Variants in BARHL2 observed in about 807,000 individuals in gnomAD.
BARHL2 encodes barH-like 2 homeobox protein.
Under a neutral mutation model 27.1 loss-of-function variants are expected in BARHL2, and 10 were observed. The observed-to-expected ratio is 0.37, with a 90% CI of 0.23 to 0.63. The LOEUF is 0.63. Ranked by LOEUF, BARHL2 falls within the 20% of genes least tolerant of loss-of-function variation. The probability of loss-of-function intolerance (pLI) is 0.65; values close to 1 mark genes in which losing one functional copy is unlikely to be tolerated. For synonymous variants in BARHL2, 248 were observed against 224.7 expected (o/e 1.10, Z -0.93); for missense variants, 483 against 533.5 (o/e 0.91, Z 0.93).
chr1:90,714,817 C>T (rs991637140), intron 1 of BARHL2, 61 bp from the exon 2 acceptor site: 46 of 1,524,738 alleles, frequency 3.0e-5, no homozygotes, highest in South Asian at 2.2e-5. Flanking sequence ...ACTGAGTGTC[C>T]TCCTGGCATA....
chr1:90,717,221 G>A lies in BARHL2; in HGVS notation c.-26C>T, dbSNP rs1045064076. On this transcript the variant is annotated 5_prime_UTR_variant, in exon 1 of 3. Coordinates refer to ENST00000370445, the MANE Select transcript of BARHL2 (RefSeq NM_020063.2). Reference sequence around the variant, plus strand: ...TGCTACATGAGGTCCACGCCACTCCGCCGTTCAGCAGCCGCCCCGAACCAG... The same window carrying A: ...TGCTACATGAGGTCCACGCCACTCCACCGTTCAGCAGCCGCCCCGAACCAG... 1.7e-5 allele frequency: 27 copies of A among 1,595,636 alleles called. No individual in the cohort carries two copies. The highest frequency in any genetic ancestry group is 2.3e-5 in the East Asian group (1 of 43,668).
intron 2 of BARHL2, among the ~76,000 whole-genome samples, chr1:90,713,102 G>C (rs990878483): frequency 1.3e-5 from 2 of 152,140 alleles, no homozygotes; most frequent in African/African-American, 4.8e-5. Context: ...CGTAAACAAA[G>C]GGATGCAGAG....
At chr1:90,714,990 G>C (rs1658114388) in intron 1 of BARHL2, among the ~76,000 whole-genome samples, 1 of 152,056 alleles carries the variant, frequency 6.6e-6, no homozygotes, top group Non-Finnish European at 1.5e-5. Flanking sequence ...GGGTCTAAAA[G>C]GGTGTCTGAT....
chr1:90,712,796 G>A (rs1658063815), intron 2 of BARHL2, among the ~76,000 whole-genome samples, 172 bp from the exon 3 acceptor site: 1 of 152,110 alleles, frequency 6.6e-6, no homozygotes, highest in African/African-American at 2.4e-5. Flanking sequence ...CCCCAGCCTT[G>A]CTCCCAGAAA....
Position 90,716,647 on chromosome 1 carries a change from C to A in BARHL2, c.549G>T (p.Arg183Ser). Residue 183 changes from arginine to serine, a missense_variant, in exon 1 of 3, where the codon AGG becomes AGT. By Grantham distance (110) the Arg-to-Ser change is moderately radical. Transcript: ENST00000370445. The part of the protein sequence containing the change: ...QESNAVHESF[R>S]PKLEQEDSKT... ...TGCTGTCCTCCTGCTCGAGCTTTGG[C>A]CTGAAGCTCTCGTGCACTGCGTTGC... is the stretch of plus-strand genomic sequence containing the variant. 2 of 1,614,026 alleles carry A rather than the reference C, an allele frequency of 1.2e-6. No individual in the cohort carries two copies. The highest frequency in any genetic ancestry group is 1.7e-6 in the Non-Finnish European group (2 of 1,179,976).
At chr1:90,715,168 C>T (rs1031718464) in intron 1 of BARHL2, among the ~76,000 whole-genome samples, 14 of 90,028 alleles carry the variant, frequency 1.6e-4, no homozygotes, top group East Asian at 4.1e-4. Context: ...GGTCCCTCTA[C>T]TCTTTTTTTT....
intron 2 of BARHL2, among the ~76,000 whole-genome samples, chr1:90,713,328 T>C (rs959581213): frequency 4.6e-5 from 7 of 152,176 alleles, no homozygotes; most frequent in Admixed American, 2.0e-4. Flanking sequence ...AGGTATTTCC[T>C]CCTCAGAGAT....
intron 1 of BARHL2, 24 bp from the exon 2 acceptor site, chr1:90,714,780 TG>T (rs1299743642): frequency 6.2e-7 from 1 of 1,611,376 alleles, no homozygotes; most frequent in South Asian, 1.1e-5. Flanking sequence ...CCAGCCACGG[TG>T]GTAAGTTAGC....
Position 90,712,272 on chromosome 1 carries a change from G to A in BARHL2, c.*40C>T, listed in dbSNP as rs1271419860. On this transcript the variant is annotated 3_prime_UTR_variant, in exon 3 of 3. Coordinates refer to ENST00000370445, the MANE Select transcript of BARHL2 (RefSeq NM_020063.2). The stretch of plus-strand genomic sequence containing the variant: ...CGGGCAGCAGTCCGGGTTGGGCAGG[G>A]ATATGGGGAAGGGATTGCAGTGCCT... The A allele has an allele frequency of 3.5e-6, 5 of 1,429,190 alleles. No homozygotes were observed. The highest frequency in any genetic ancestry group is 4.6e-6 in the Non-Finnish European group (5 of 1,090,914). The allele number at this position is 1,429,190 out of a possible 1,614,324, so 88.5% of individuals were successfully genotyped here.
chr1:90,716,201 A>G (rs919844652), intron 1 of BARHL2, among the ~76,000 whole-genome samples: 2 of 151,102 alleles, frequency 1.3e-5, no homozygotes, highest in Non-Finnish European at 2.9e-5. Context: ...TCTCTCTCCT[A>G]CCTCCCCCCA....
At chr1:90,714,088 C>T (rs563659151) in intron 2 of BARHL2, among the ~76,000 whole-genome samples, 1 of 152,364 alleles carries the variant, frequency 6.6e-6, no homozygotes, top group East Asian at 1.9e-4. Flanking sequence ...GGTGGGACAG[C>T]TCTGTGGGAA....
Position 90,711,692 on chromosome 1 carries a change from T to C in BARHL2, c.*620A>G, listed in dbSNP as rs1658034592. ...TAAGTGACTCTTTTTGGACAACATA[T>C]AATAAATATGATATATCACTTATCA... On this transcript the variant is annotated 3_prime_UTR_variant, in exon 3 of 3. Transcript: ENST00000370445. The C allele has an allele frequency of 6.6e-6, 1 of 152,212 alleles. No individual in the cohort carries two copies. The highest frequency in any genetic ancestry group is 1.5e-5 in the Non-Finnish European group (1 of 68,036). 9.4% of individuals were successfully genotyped at this position (152,212 alleles called of 1,614,324 possible).
At chr1:90,712,761 A>C in intron 2 of BARHL2, 137 bp from the exon 3 acceptor site, 1 of 878,546 alleles carries the variant, frequency 1.1e-6, no homozygotes, top group Non-Finnish European at 1.7e-6. Context: ...GACCTCTTCA[A>C]ACTGGCAATG....
Position 90,712,496 on chromosome 1 carries a change from C to T in BARHL2, c.980G>A (p.Ser327Asn). 6.2e-7 allele frequency: 1 copy of T among 1,613,982 alleles called. No individual in the cohort carries two copies. The highest frequency in any genetic ancestry group is 1.1e-5 in the South Asian group (1 of 91,068). The change falls in exon 3 of 3, where the codon AGC (serine) becomes AAC (asparagine). Residue 327 changes from serine to asparagine, a missense_variant. Coordinates refer to ENST00000370445, the MANE Select transcript of BARHL2 (RefSeq NM_020063.2). Reference sequence around the variant, plus strand: ...AGCGGCAGCCGCCGCCGCCGTAGTGCTGTCCATGCTGCCCAGCAGGCTTGG... The same window carrying T: ...AGCGGCAGCCGCCGCCGCCGTAGTGTTGTCCATGCTGCCCAGCAGGCTTGG... ...YHPSLLGSMD[S>N]TTAAAAAAAM...
chr1:90,716,660 T>A lies in BARHL2; in HGVS notation c.536A>T (p.His179Leu), dbSNP rs765213848. Residue 179 changes from histidine (H) to leucine (L), a missense_variant, in exon 1 of 3, where the codon CAC (histidine) becomes CTC (leucine). Transcript: ENST00000370445. ...CTCGAGCTTTGGCCTGAAGCTCTCGTGCACTGCGTTGCTCTCCTGCTTCGG... is the reference window on the plus strand; with the variant it reads ...CTCGAGCTTTGGCCTGAAGCTCTCGAGCACTGCGTTGCTCTCCTGCTTCGG... ...HTPKQESNAV[H>L]ESFRPKLEQE... 2 of 1,613,682 alleles carry A rather than the reference T, an allele frequency of 1.2e-6. No individual in the cohort carries two copies. Among genetic ancestry groups the A allele is most frequent in the African/African-American group, 1.3e-5 (1 of 74,952 alleles).
chr1:90,714,518 G>A lies in BARHL2; in HGVS notation c.851+13C>T. ...GGCCAGACACCTTTGCTCCCCCAAAGTGCCTCCCTTACCTGCGGTTCTGGT... is the reference window on the plus strand; with the variant it reads ...GGCCAGACACCTTTGCTCCCCCAAAATGCCTCCCTTACCTGCGGTTCTGGT... On this transcript the variant is annotated intron_variant, in intron 2 of 2. Coordinates refer to ENST00000370445, the MANE Select transcript of BARHL2 (RefSeq NM_020063.2). 6.2e-7 allele frequency: 1 copy of A among 1,613,122 alleles called. No individual in the cohort carries two copies. The highest frequency in any genetic ancestry group is 1.1e-5 in the South Asian group (1 of 91,060).
At chr1:90,715,355 C>G (rs1658123381) in intron 1 of BARHL2, among the ~76,000 whole-genome samples, 1 of 152,146 alleles carries the variant, frequency 6.6e-6, no homozygotes, top group Non-Finnish European at 1.5e-5. Flanking sequence ...CACCCAGACA[C>G]CGAGTTGAGC....
chr1:90,713,814 A>G (rs1380584607), intron 2 of BARHL2, among the ~76,000 whole-genome samples: 3 of 152,202 alleles, frequency 2.0e-5, no homozygotes, highest in Non-Finnish European at 4.4e-5. Context: ...TCCCTTCTAG[A>G]GAAGGAGCAG....
At chr1:90,713,652 A>C (rs1658083456) in intron 2 of BARHL2, among the ~76,000 whole-genome samples, 2 of 152,240 alleles carry the variant, frequency 1.3e-5, no homozygotes, top group Non-Finnish European at 2.9e-5. Flanking sequence ...ATTAGAACAC[A>C]AACGGGAGAA....
Sources: allele counts gnomAD v4.1 joint callset (sites outside exome capture counted in the v4.1 genomes callset), GRCh38; gene constraint gnomAD v4.1.1; transcripts MANE v1.5; gene names NCBI Gene and HGNC (gene_info 2026-07-23, HGNC 2026-07-21).